HABP2: variants seen among roughly 807,000 people sequenced by gnomAD.
HABP2 encodes the protein factor VII-activating protease.
HABP2 carries 65 observed loss-of-function variants against 66.5 expected under a neutral mutation model. The observed-to-expected ratio is 0.98, with a 90% CI of 0.80 to 1.20. HABP2 has a LOEUF of 1.20. Among genes scored for constraint, HABP2 ranks in the 50% most tolerant of loss-of-function variants. The probability of loss-of-function intolerance (pLI) is 0.00; values close to 1 mark genes in which losing one functional copy is unlikely to be tolerated. For missense variants in HABP2, 786 were observed against 691.0 expected (o/e 1.14, Z -1.54); for synonymous variants, 263 against 253.9 (o/e 1.04, Z -0.34).
rs1407007646 is a variant in HABP2, at chr10:113,582,149, C to T, written c.1094+18C>T. On this transcript the variant is annotated intron_variant, in intron 9 of 12. Coordinates refer to ENST00000351270, the MANE Select transcript of HABP2 (RefSeq NM_004132.5). ...TGCACCGAGTAGGTGCCGCTGGGAG[C>T]AGGGACCAGGGTGGCTTGAGTGGCT... 6.3e-7 allele frequency: 1 copy of T among 1,592,072 alleles called. No individual in the cohort carries two copies. Among genetic ancestry groups the T allele is most frequent in the Admixed American group, 1.8e-5 (1 of 56,828 alleles).
At chr10:113,564,840 G>T (rs551512846) in intron 1 of HABP2, among the ~76,000 whole-genome samples, 6 of 133,680 alleles carry the variant, frequency 4.5e-5, no homozygotes, top group African/African-American at 1.8e-4. Context: ...ACCTCACCAC[G>T]CATCTCTCTC....
At chr10:113,560,090 T>C (rs951638952) in intron 1 of HABP2, among the ~76,000 whole-genome samples, 7 of 152,192 alleles carry the variant, frequency 4.6e-5, no homozygotes, top group Non-Finnish European at 1.0e-4. Flanking sequence ...CACCCAGGTG[T>C]CCAGGAAGGA....
chr10:113,551,984 G>A (rs961421527), upstream of HABP2, among the ~76,000 whole-genome samples: 1 of 152,148 alleles, frequency 6.6e-6, no homozygotes, highest in Non-Finnish European at 1.5e-5. Context: ...AGTCATTTAG[G>A]AGGTAAAATG....
rs780348665 is a variant in HABP2 at position 113,588,794 on chromosome 10, G to T, written c.*425G>T. ...AACAGAATCAGCCATCCACGTCTAG[G>T]TATCAGAGAGGACCACAAATACAAC... On this transcript the variant is annotated 3_prime_UTR_variant, in exon 13 of 13. Coordinates refer to ENST00000351270, the MANE Select transcript of HABP2 (RefSeq NM_004132.5). 1 of 606,250 alleles carries T rather than the reference G, an allele frequency of 1.6e-6. No homozygotes were observed. Among genetic ancestry groups the T allele is most frequent in the Non-Finnish European group, 2.9e-6 (1 of 341,114 alleles). 37.6% of individuals were successfully genotyped at this position (606,250 alleles called of 1,614,324 possible). A position where few individuals can be genotyped will look rare whatever the true frequency, so the allele number is the denominator to read the frequency against.
In HABP2 at chr10:113,574,280, TC is replaced by T. The variant is rs751896050; in HGVS notation, c.107-6del. 7 of 1,376,848 alleles carry T rather than the reference TC, an allele frequency of 5.1e-6. No individual in the cohort carries two copies. Among genetic ancestry groups the T allele is most frequent in the Non-Finnish European group, 7.3e-6 (7 of 963,648 alleles). 85.3% of individuals were successfully genotyped at this position (1,376,848 alleles called of 1,614,324 possible). ...TAGGATTTCTTCTGTCCTGTTACCA[TC>T]CCTGCAGACTGGACCCCTGACCAGT... On this transcript the variant is annotated splice_polypyrimidine_tract_variant and splice_region_variant and intron_variant, in intron 2 of 12. Coordinates refer to ENST00000351270, the MANE Select transcript of HABP2 (RefSeq NM_004132.5).
In HABP2 at chr10:113,589,210, T is replaced by G; in HGVS notation, c.*841T>G. 1 of 673,888 alleles carries G rather than the reference T, an allele frequency of 1.5e-6. No homozygotes were observed. Among genetic ancestry groups the G allele is most frequent in the African/African-American group, 1.8e-5 (1 of 55,194 alleles). The allele number at this position is 673,888 out of a possible 1,614,324, so 41.7% of individuals were successfully genotyped here. ...GCTCACCCTCCCTTTCCTTTTCCCC[T>G]CTTCTACCCTCCCCAAGAAAAAGGG... On this transcript the variant is annotated 3_prime_UTR_variant, in exon 13 of 13. Transcript: ENST00000351270.
intron 11 of HABP2, among the ~76,000 whole-genome samples, chr10:113,585,590 T>C (rs1039146726): frequency 1.1e-4 from 17 of 152,144 alleles, no homozygotes; most frequent in Admixed American, 2.6e-4. Context: ...ATCTGGTCCA[T>C]GTATCATGAC....
At chr10:113,555,293 C>T (rs1844971987) in intron 1 of HABP2, among the ~76,000 whole-genome samples, 1 of 152,230 alleles carries the variant, frequency 6.6e-6, no homozygotes, top group Admixed American at 6.5e-5. Context: ...CAGAGCTGAG[C>T]TCTGGATTAC....
intron 1 of HABP2, among the ~76,000 whole-genome samples, chr10:113,553,410 G>A (rs956264870): frequency 6.6e-6 from 1 of 152,258 alleles, no homozygotes. Context: ...TTGGAGCGGA[G>A]CCTCCATGAA....
chr10:113,588,928 T>C lies in HABP2; in HGVS notation c.*559T>C. On this transcript the variant is annotated 3_prime_UTR_variant, in exon 13 of 13. Transcript: ENST00000351270. ...AAAGCCATCTGAAGCCTGTCTCTGG[T>C]GAACAAACTTCCTCTCTGGCCTCTC... 8.8e-6 allele frequency: 13 copies of C among 1,482,354 alleles called. No homozygotes were observed. The highest frequency in any genetic ancestry group is 1.1e-5 in the South Asian group (1 of 87,784). 91.8% of individuals were successfully genotyped at this position (1,482,354 alleles called of 1,614,324 possible). A position where few individuals can be genotyped will look rare whatever the true frequency, so the allele number is the denominator to read the frequency against.
intron 9 of HABP2, 125 bp from the exon 10 acceptor site, chr10:113,583,091 A>G: frequency 1.4e-6 from 1 of 736,096 alleles, no homozygotes; most frequent in Non-Finnish European, 2.3e-6. Context: ...CTACCACAGC[A>G]GAGTTCTGTG....
chr10:113,563,878 A>G (rs1038921383), intron 1 of HABP2, among the ~76,000 whole-genome samples: 1 of 152,172 alleles, frequency 6.6e-6, no homozygotes, highest in Non-Finnish European at 1.5e-5. Flanking sequence ...CTAGACAGAC[A>G]GGCCCTGCCC....
chr10:113,580,174 A>AG lies in HABP2; in HGVS notation c.741-414dup, dbSNP rs548811454. Among the ~76,000 whole-genome samples, 37 of 102,076 alleles carry AG rather than the reference A, an allele frequency of 3.6e-4. No homozygotes were observed. The East Asian group carries it at 4.9e-3, about 14-fold the overall frequency. 67.0% of individuals were successfully genotyped at this position (102,076 alleles called of 152,430 possible). ...TGGAGCTGTCTTCGGGGGCGGGGGG[A>AG]GGGGGGGCCTCTTGGCAGCCTTTCT... On this transcript the variant is annotated intron_variant, in intron 7 of 12. Transcript: ENST00000351270.
rs535332420 is a variant in HABP2, at chr10:113,571,808, C to T, written c.107-2481C>T. ...CTGGAGGCTTCCTTGAGGACAAGGCCACATCCTACTCTTATTTGTATAACT... is the reference window on the plus strand; with the variant it reads ...CTGGAGGCTTCCTTGAGGACAAGGCTACATCCTACTCTTATTTGTATAACT... On this transcript the variant is annotated intron_variant, in intron 2 of 12. Coordinates refer to ENST00000351270, the MANE Select transcript of HABP2 (RefSeq NM_004132.5). Among the ~76,000 whole-genome samples, 28 of 152,286 alleles carry T rather than the reference C, an allele frequency of 1.8e-4. 1 individual carries two copies. In the South Asian group the frequency reaches 5.8e-3, roughly 32 times the overall value.
rs1260211225 is a variant in HABP2 at position 113,578,698 on chromosome 10, G to T, written c.640G>T (p.Ala214Ser). The T allele has an allele frequency of 6.8e-6, 11 of 1,606,522 alleles. No homozygotes were observed. Among genetic ancestry groups the T allele is most frequent in the Non-Finnish European group, 8.5e-6 (10 of 1,173,144 alleles). Reference protein sequence around the residue: ...GKMNRTVNQHACLYWNSHLLL... With the variant: ...GKMNRTVNQHSCLYWNSHLLL... ...AATGAATAGGACAGTCAACCAGCAT[G>T]CGTGCCTTTACTGGAACTCCCACCT... The change falls in exon 7 of 13, where the codon GCG becomes TCG. Residue 214 changes from alanine to serine, a missense_variant. Physicochemically the swap from Ala to Ser is moderately conservative, Grantham distance 99. Coordinates refer to ENST00000351270, the MANE Select transcript of HABP2 (RefSeq NM_004132.5).
chr10:113,585,799 G>C lies in HABP2; in HGVS notation c.1379G>C (p.Gly460Ala), dbSNP rs113091571. The change falls in exon 12 of 13, where the codon GGG (glycine) becomes GCG (alanine). Residue 460 changes from glycine to alanine, a missense_variant. Gly to Ala is a moderately conservative substitution (Grantham distance 60, BLOSUM62 0). Coordinates refer to ENST00000351270, the MANE Select transcript of HABP2 (RefSeq NM_004132.5). ...CTCTGCACCTTCCCCACAGGAAAAG[G>C]GTCCCGCCAGCTCCTGGATGCCAAA... The part of the protein sequence containing the change: ...SGWGVTETGK[G>A]SRQLLDAKVK... 1,184 of 1,613,582 alleles carry C rather than the reference G, an allele frequency of 7.3e-4. 14 individuals carry two copies. The highest frequency in any genetic ancestry group is 6.3e-4 in the Admixed American group (38 of 60,014).
rs1016588122 is a variant in HABP2, at chr10:113,560,461, C to T, written c.70-7028C>T. Among the ~76,000 whole-genome samples, 13 of 152,174 alleles carry T rather than the reference C, an allele frequency of 8.5e-5. 1 individual carries two copies. The highest frequency in any genetic ancestry group is 1.8e-4 in the Non-Finnish European group (12 of 68,030). On this transcript the variant is annotated intron_variant, in intron 1 of 12. Transcript: ENST00000351270. ...GCAGCCACTGTGGAAAACAGTATGG[C>T]GGTCCCTGACAAAGTTAATCGTAGA...
intron 12 of HABP2, among the ~76,000 whole-genome samples, chr10:113,586,690 C>T (rs996783445): frequency 6.6e-6 from 1 of 152,242 alleles, no homozygotes; most frequent in Admixed American, 6.5e-5. Context: ...TCACATCACA[C>T]AGGGTCCTTT....
At chr10:113,583,080 C>A in intron 9 of HABP2, 136 bp from the exon 10 acceptor site, 1 of 677,962 alleles carries the variant, frequency 1.5e-6, no homozygotes, top group East Asian at 2.6e-5. Context: ...TTATTTGGAC[C>A]CTACCACAGC....
Sources: gnomAD v4.1 joint callset for allele counts (sites outside exome capture counted in the v4.1 genomes callset) on GRCh38, gnomAD v4.1.1 for gene constraint, MANE v1.5 for transcripts, NCBI Gene and HGNC (gene_info 2026-07-23, HGNC 2026-07-21) for gene names.